Variants in ERICH3 observed in about 807,000 individuals in gnomAD.
ERICH3 encodes glutamate-rich protein 3.
In ERICH3, 126 loss-of-function variants were observed where a neutral mutation model predicts 131.1. That is an observed-to-expected ratio of 0.96 (90% CI 0.83 to 1.11). The LOEUF (loss-of-function observed/expected upper bound fraction) is 1.11, where lower values mean the gene tolerates loss of function less well. ERICH3 is among the 50% of genes most tolerant of loss of function. The pLI, the probability that ERICH3 is intolerant of heterozygous loss-of-function variation, is 0.00. For missense variants in ERICH3, 2,050 were observed against 1,810.7 expected, an observed-to-expected ratio of 1.13 and a Z score of -2.40; for synonymous variants, 695 against 644.6, an observed-to-expected ratio of 1.08 and a Z score of -1.18.
chr1:74,661,329 T>A (rs1298034228), intron 1 of ERICH3, among the ~76,000 whole-genome samples: 1 of 152,150 alleles, frequency 6.6e-6, no homozygotes, highest in Non-Finnish European at 1.5e-5. Flanking sequence ...TCAAATTTGA[T>A]AAAAAGAGCA....
In ERICH3 at chr1:74,636,417, C is replaced by A; in HGVS notation, c.466G>T (p.Ala156Ser). Residue 156 changes from alanine to serine, a missense_variant, in exon 6 of 15, where the codon GCT becomes TCT. Transcript: ENST00000326665. Reference sequence around the variant, plus strand: ...ATTGGAGGCTGCATATTTCCTGGAGCAGTATATGGTCGAGGGGCTGTCTAG... The same window carrying A: ...ATTGGAGGCTGCATATTTCCTGGAGAAGTATATGGTCGAGGGGCTGTCTAG... ...LALTAPRPYT[A>S]PGNMQPPIRL... 1 of 1,612,448 alleles carries A rather than the reference C, an allele frequency of 6.2e-7. No individual in the cohort carries two copies. The highest frequency in any genetic ancestry group is 8.5e-7 in the Non-Finnish European group (1 of 1,179,008).
chr1:74,655,132 C>T (rs905177984), intron 1 of ERICH3, among the ~76,000 whole-genome samples: 5 of 152,096 alleles, frequency 3.3e-5, no homozygotes, highest in Non-Finnish European at 7.4e-5. Context: ...CTGCATCCTG[C>T]TTTGCACTAA....
chr1:74,584,098 A>G (rs1380022843), intron 12 of ERICH3, among the ~76,000 whole-genome samples: 1 of 152,146 alleles, frequency 6.6e-6, no homozygotes, highest in Non-Finnish European at 1.5e-5. Flanking sequence ...TTACCTTCCC[A>G]ACAACTCACC....
intron 7 of ERICH3, chr1:74,625,790 G>T (rs1649396058): frequency 6.6e-6 from 1 of 152,108 alleles, no homozygotes; most frequent in Admixed American, 6.6e-5. Flanking sequence ...TCCATTAAAA[G>T]ATTAGTTATC....
At chr1:74,654,828 A>G (rs1646569830) in intron 1 of ERICH3, among the ~76,000 whole-genome samples, 1 of 152,184 alleles carries the variant, frequency 6.6e-6, no homozygotes, top group African/African-American at 2.4e-5. Context: ...GCCAAAGACC[A>G]TATAACCTAA....
At position 74,571,852 on chromosome 1, in the gene ERICH3, C is replaced by T. The variant is rs200077914; in HGVS notation, c.3858G>A (p.Arg1286=). ...CTGGGTCCTCATCCACCGCTTCCTC[C>T]CTGAACTTTTCTGCCATTATGGGAT... The part of the protein sequence containing the change: ...EEDPIMAEKF[R]EEAVDEDPEE... The change falls in exon 14 of 15, where the codon AGG becomes AGA. Residue 1286 remains arginine (R), a synonymous_variant. Transcript: ENST00000326665. 18 of 1,612,276 alleles carry T rather than the reference C, an allele frequency of 1.1e-5. No homozygotes were observed. The highest frequency in any genetic ancestry group is 1.6e-4 in the Middle Eastern group (1 of 6,062).
chr1:74,601,566 T>G (rs974274880), intron 10 of ERICH3, among the ~76,000 whole-genome samples: 8 of 151,828 alleles, frequency 5.3e-5, no homozygotes, highest in African/African-American at 1.9e-4. Context: ...GTAAGCAGAA[T>G]GTAATGAAAG....
chr1:74,588,670 G>C (rs1180134990), intron 12 of ERICH3, among the ~76,000 whole-genome samples: 3 of 152,092 alleles, frequency 2.0e-5, no homozygotes, highest in African/African-American at 7.2e-5. Context: ...CCAAAGGACT[G>C]TGAACCAGTT....
intron 1 of ERICH3, among the ~76,000 whole-genome samples, chr1:74,670,836 T>G (rs1446023125): frequency 6.6e-6 from 1 of 152,180 alleles, no homozygotes; most frequent in African/African-American, 2.4e-5. Flanking sequence ...GACATGCAAG[T>G]AGGAGAGAGA....
chr1:74,639,719 A>T (rs751295311), intron 5 of ERICH3, among the ~76,000 whole-genome samples: 9 of 152,256 alleles, frequency 5.9e-5, no homozygotes, highest in Middle Eastern at 6.8e-3. Context: ...ACAGCTAAAA[A>T]TCTGTATACT....
At chr1:74,590,989 AT>A (rs1235343135) in intron 11 of ERICH3, among the ~76,000 whole-genome samples, 3 of 152,292 alleles carry the variant, frequency 2.0e-5, no homozygotes, top group African/African-American at 7.2e-5. Context: ...AATTTATTTC[AT>A]TCTATCACCA....
intron 1 of ERICH3, among the ~76,000 whole-genome samples, chr1:74,665,151 T>C (rs546434215): frequency 6.6e-6 from 1 of 151,860 alleles, no homozygotes; most frequent in South Asian, 2.1e-4. Flanking sequence ...CCTTCTGCCA[T>C]GTGAGGGCCC....
intron 1 of ERICH3, among the ~76,000 whole-genome samples, chr1:74,650,293 T>C (rs1394523345): frequency 6.6e-6 from 1 of 152,186 alleles, no homozygotes; most frequent in Non-Finnish European, 1.5e-5. Context: ...GTTTGTTGAT[T>C]ATATGCTATA....
At position 74,581,359 on chromosome 1, in the gene ERICH3, C is replaced by T. The variant is rs535241303; in HGVS notation, c.2177-4423G>A. Among the ~76,000 whole-genome samples, 68 of 152,064 alleles carry T rather than the reference C, an allele frequency of 4.5e-4. No homozygotes were observed. The South Asian group carries it at 9.9e-3, about 22-fold the overall frequency. On this transcript the variant is annotated intron_variant, in intron 12 of 14. Coordinates refer to ENST00000326665, the MANE Select transcript of ERICH3 (RefSeq NM_001002912.5). Reference sequence around the variant, plus strand: ...TCTGATTATGAGTATTTCTCCATTGCGGTTTATTACTTTTGTTGTTGTTGT... The same window carrying T: ...TCTGATTATGAGTATTTCTCCATTGTGGTTTATTACTTTTGTTGTTGTTGT...
chr1:74,597,482 T>C (rs1012287469), intron 11 of ERICH3, among the ~76,000 whole-genome samples: 4 of 151,986 alleles, frequency 2.6e-5, no homozygotes, highest in African/African-American at 9.7e-5. Context: ...TTCCCAATAT[T>C]TGTGAACCAG....
At chr1:74,661,724 G>T (rs929557623) in intron 1 of ERICH3, among the ~76,000 whole-genome samples, 3 of 152,102 alleles carry the variant, frequency 2.0e-5, no homozygotes, top group African/African-American at 4.8e-5. Flanking sequence ...CACAATAGGT[G>T]CCATTCACTG....
In ERICH3 at chr1:74,589,624, T is replaced by C. The variant is rs1324764970; in HGVS notation, c.2176+7A>G. 2 of 1,612,902 alleles carry C rather than the reference T, an allele frequency of 1.2e-6. No homozygotes were observed. The highest frequency in any genetic ancestry group is 4.5e-5 in the East Asian group (2 of 44,870). On this transcript the variant is annotated splice_region_variant and intron_variant, in intron 12 of 14. Coordinates refer to ENST00000326665, the MANE Select transcript of ERICH3 (RefSeq NM_001002912.5). ...TGATGGCAGCTCAACTCAACGGCCA[T>C]ACTTACCACCTTCCTCCAACCCAGG...
intron 11 of ERICH3, among the ~76,000 whole-genome samples, chr1:74,594,477 C>A (rs907400035): frequency 3.3e-5 from 5 of 152,072 alleles, no homozygotes; most frequent in Non-Finnish European, 7.4e-5. Flanking sequence ...TCCTCACTTT[C>A]CTTCCAACTT....
At chr1:74,583,481 CTCTCTCTCTCTCCT>C (rs1557668535) in intron 12 of ERICH3, among the ~76,000 whole-genome samples, 1 of 150,416 alleles carries the variant, frequency 6.6e-6, no homozygotes, top group East Asian at 1.9e-4. Flanking sequence ...TGGTCTCTTT[CTCTCTCTCTCTCCT>C]TCTCTCTCTC....
Sources: allele counts gnomAD v4.1 joint callset (sites outside exome capture counted in the v4.1 genomes callset), GRCh38; gene constraint gnomAD v4.1.1; transcripts MANE v1.5; gene names NCBI Gene and HGNC (gene_info 2026-07-23, HGNC 2026-07-21).